VWC2L: variants seen among roughly 807,000 people sequenced by gnomAD.
The protein encoded by VWC2L is von Willebrand factor C domain-containing protein 2-like.
A neutral mutation model predicts 21.6 loss-of-function variants in VWC2L; 10 were observed. That is an observed-to-expected ratio of 0.46 (90% confidence interval 0.29 to 0.78). The LOEUF is 0.78. Among genes scored for constraint, VWC2L ranks in the 30% least tolerant of loss-of-function variants. The probability of loss-of-function intolerance (pLI) is 0.10; values close to 1 mark genes in which losing one functional copy is unlikely to be tolerated. For missense variants in VWC2L, 209 were observed against 277.1 expected (o/e 0.75, Z 1.74); for synonymous variants, 96 against 94.3 (o/e 1.02, Z -0.10).
chr2:214,501,992 G>A (rs961032547), intron 3 of VWC2L, among the ~76,000 whole-genome samples: 2 of 152,166 alleles, frequency 1.3e-5, no homozygotes, highest in African/African-American at 4.8e-5. Flanking sequence ...CAAGATGAGC[G>A]GAACTCCCCA....
intron 3 of VWC2L, among the ~76,000 whole-genome samples, chr2:214,492,528 C>A (rs949904840): frequency 6.6e-6 from 1 of 152,050 alleles, no homozygotes; most frequent in Non-Finnish European, 1.5e-5. Context: ...TAATCAGAAC[C>A]CAGAGATGAC....
rs1253893318 is a variant in VWC2L at position 214,575,655 on chromosome 2, G to T, written c.521-17G>T. On this transcript the variant is annotated splice_polypyrimidine_tract_variant and intron_variant, in intron 3 of 3. Coordinates refer to ENST00000312504, the MANE Select transcript of VWC2L (RefSeq NM_001080500.4). ...TCTCAGATTTAATCAACTAATCAATGTATCTGTGTGTTTCAGGTCCAAACT... is the reference window on the plus strand; with the variant it reads ...TCTCAGATTTAATCAACTAATCAATTTATCTGTGTGTTTCAGGTCCAAACT... The T allele has an allele frequency of 1.2e-6, 2 of 1,612,162 alleles. No homozygotes were observed. The highest frequency in any genetic ancestry group is 1.7e-6 in the Non-Finnish European group (2 of 1,178,638).
intron 2 of VWC2L, among the ~76,000 whole-genome samples, chr2:214,425,684 C>T (rs1423929360): frequency 1.3e-5 from 2 of 152,162 alleles, no homozygotes; most frequent in Non-Finnish European, 2.9e-5. Flanking sequence ...AATCAGCTTA[C>T]ATACACAATC....
intron 2 of VWC2L, among the ~76,000 whole-genome samples, chr2:214,417,867 G>A (rs1350884386): frequency 1.3e-5 from 2 of 152,108 alleles, no homozygotes; most frequent in African/African-American, 4.8e-5. Flanking sequence ...AATAGTGGAG[G>A]AAGGAAGTCT....
At chr2:214,546,148 G>C (rs1462352395) in intron 3 of VWC2L, among the ~76,000 whole-genome samples, 3 of 152,026 alleles carry the variant, frequency 2.0e-5, no homozygotes, top group Non-Finnish European at 4.4e-5. Flanking sequence ...CTTAGCTCTA[G>C]GAAATTAACT....
intron 2 of VWC2L, among the ~76,000 whole-genome samples, chr2:214,424,506 C>T (rs1702493320): frequency 6.6e-6 from 1 of 152,162 alleles, no homozygotes; most frequent in South Asian, 2.1e-4. Context: ...ACCTCTTTCT[C>T]TATGTACACA....
intron 3 of VWC2L, among the ~76,000 whole-genome samples, chr2:214,558,814 T>TA (rs1689917289): frequency 1.2e-5 from 1 of 80,696 alleles, no homozygotes; most frequent in African/African-American, 5.9e-5. Context: ...TATAGTTTTG[T>TA]TTTTTTTTTT....
chr2:214,537,340 C>T (rs891302522), intron 3 of VWC2L, among the ~76,000 whole-genome samples: 2 of 151,902 alleles, frequency 1.3e-5, no homozygotes, highest in Non-Finnish European at 2.9e-5. Context: ...CATATCATGG[C>T]TTTTGTGAAT....
chr2:214,463,249 G>A (rs1453207114), intron 3 of VWC2L, among the ~76,000 whole-genome samples: 1 of 152,028 alleles, frequency 6.6e-6, no homozygotes, highest in Non-Finnish European at 1.5e-5. Context: ...CTATTTAACA[G>A]TTTTATTAAC....
chr2:214,475,282 G>A (rs1009905766), intron 3 of VWC2L, among the ~76,000 whole-genome samples: 1 of 152,066 alleles, frequency 6.6e-6, no homozygotes, highest in African/African-American at 2.4e-5. Context: ...GCTGGGCAAG[G>A]AACAAAGGTA....
At chr2:214,521,230 C>G (rs1453717848) in intron 3 of VWC2L, among the ~76,000 whole-genome samples, 1 of 131,780 alleles carries the variant, frequency 7.6e-6, no homozygotes, top group Non-Finnish European at 1.6e-5. Context: ...GACTCCATCT[C>G]AAAGATAAAT....
At chr2:214,552,189 T>G (rs1415447068) in intron 3 of VWC2L, among the ~76,000 whole-genome samples, 1 of 152,204 alleles carries the variant, frequency 6.6e-6, no homozygotes, top group Admixed American at 6.5e-5. Context: ...ACCTGCAACC[T>G]TTCCTCACTA....
intron 3 of VWC2L, among the ~76,000 whole-genome samples, chr2:214,495,437 A>C (rs1307987528): frequency 6.6e-6 from 1 of 152,108 alleles, no homozygotes; most frequent in Non-Finnish European, 1.5e-5. Context: ...CTTAACTTCA[A>C]TGATTTCGAT....
At chr2:214,437,888 T>A (rs953309161) in intron 3 of VWC2L, among the ~76,000 whole-genome samples, 8 of 152,148 alleles carry the variant, frequency 5.3e-5, no homozygotes, top group African/African-American at 1.9e-4. Context: ...CTTTGTGACA[T>A]TTTCCAGATA....
chr2:214,450,854 G>T (rs1292149598), intron 3 of VWC2L, among the ~76,000 whole-genome samples: 1 of 152,182 alleles, frequency 6.6e-6, no homozygotes, highest in Non-Finnish European at 1.5e-5. Context: ...ACTGGCTCTT[G>T]TTTATTAAGC....
At chr2:214,563,618 T>G (rs1185011278) in intron 3 of VWC2L, among the ~76,000 whole-genome samples, 1 of 149,820 alleles carries the variant, frequency 6.7e-6, no homozygotes, top group African/African-American at 2.5e-5. Context: ...ATTTCTGAGT[T>G]CTCTAATCTG....
At chr2:214,557,601 C>T (rs1015969091) in intron 3 of VWC2L, among the ~76,000 whole-genome samples, 3 of 152,214 alleles carry the variant, frequency 2.0e-5, no homozygotes, top group Non-Finnish European at 4.4e-5. Context: ...TAGGCGTCCC[C>T]AGTCAGCTAG....
At chr2:214,462,894 C>A (rs889830417) in intron 3 of VWC2L, among the ~76,000 whole-genome samples, 1 of 152,154 alleles carries the variant, frequency 6.6e-6, no homozygotes, top group Non-Finnish European at 1.5e-5. Context: ...TTCTTTGAAT[C>A]ATAGGTTATA....
chr2:214,524,438 C>T (rs546674137), intron 3 of VWC2L, among the ~76,000 whole-genome samples: 2 of 152,230 alleles, frequency 1.3e-5, no homozygotes, highest in South Asian at 4.1e-4. Context: ...ATTTTTCTCC[C>T]TTAGATCTGA....
Sources: gnomAD v4.1 joint callset for allele counts (sites outside exome capture counted in the v4.1 genomes callset) on GRCh38, gnomAD v4.1.1 for gene constraint, MANE v1.5 for transcripts, NCBI Gene and HGNC (gene_info 2026-07-23, HGNC 2026-07-21) for gene names.